Variants in KIRREL3 observed in about 807,000 individuals in gnomAD.
KIRREL3 encodes kirre like nephrin family adhesion molecule 3.
KIRREL3 carries 36 observed loss-of-function variants against 89.7 expected under a neutral mutation model. The observed-to-expected ratio is 0.40, with a 90% CI of 0.31 to 0.53. The LOEUF is 0.53. KIRREL3 is among the 20% of genes least tolerant of loss of function. The pLI is 0.49. For synonymous variants in KIRREL3, 445 were observed against 441.4 expected (o/e 1.01, Z -0.10); for missense variants, 864 against 1,056.6 (o/e 0.82, Z 2.53).
In KIRREL3 at chr11:126,557,598, C is replaced by A. The variant is rs570449161; in HGVS notation, c.133+5237G>T. Among the ~76,000 whole-genome samples, 1 of 152,288 alleles carries A rather than the reference C, an allele frequency of 6.6e-6. No homozygotes were observed. The highest frequency in any genetic ancestry group is 6.5e-5 in the Admixed American group (1 of 15,296). On this transcript the variant is annotated intron_variant, in intron 2 of 16. Transcript: ENST00000525144. The surrounding 1 kb of genome is among the most constrained non-coding windows in gnomAD (Gnocchi z 5.6). ...CACTACACATCCCAGCTGTGGGGCA[C>A]CTCTCTTTCTATACGAGGAAACAGT...
rs1941142801 is a variant in KIRREL3 at position 126,574,402 on chromosome 11, G to A, written c.56-11490C>T. Among the ~76,000 whole-genome samples, 1 of 152,192 alleles carries A rather than the reference G, an allele frequency of 6.6e-6. No individual in the cohort carries two copies. The highest frequency in any genetic ancestry group is 1.5e-5 in the Non-Finnish European group (1 of 68,022). On this transcript the variant is annotated intron_variant, in intron 1 of 16. Transcript: ENST00000525144. This position sits in a 1 kb window ranked among gnomAD's most constrained non-coding sequence, Gnocchi z 5.3. The stretch of plus-strand genomic sequence containing the variant: ...ATGATAACCTTTCAGCAGTGAGTGG[G>A]CAAAGGAGAGCATGATGGCTTTGAG...
At chr11:126,986,278 T>C (rs1288493330) in intron 1 of KIRREL3, among the ~76,000 whole-genome samples, 1 of 151,968 alleles carries the variant, frequency 6.6e-6, no homozygotes, top group Non-Finnish European at 1.5e-5. Flanking sequence ...AATTGAAAAA[T>C]AAAATGACAA....
intron 1 of KIRREL3, among the ~76,000 whole-genome samples, chr11:126,929,958 C>A (rs953412269): frequency 2.6e-5 from 4 of 152,192 alleles, no homozygotes; most frequent in African/African-American, 4.8e-5. Context: ...ACCCCCCCCC[C>A]CCCACCTCAC....
At chr11:126,665,915 T>C (rs1034219691) in intron 1 of KIRREL3, among the ~76,000 whole-genome samples, 14 of 152,246 alleles carry the variant, frequency 9.2e-5, no homozygotes, top group African/African-American at 3.4e-4. Context: ...ACCCATCACC[T>C]TGTGCCATTG....
rs186246224 is a variant in KIRREL3, at chr11:126,635,599, C to A, written c.56-72687G>T. Among the ~76,000 whole-genome samples, 47 of 152,256 alleles carry A rather than the reference C, an allele frequency of 3.1e-4. 1 individual carries two copies. The East Asian group carries it at 9.1e-3, about 29-fold the overall frequency. On this transcript the variant is annotated intron_variant, in intron 1 of 16. Transcript: ENST00000525144. The surrounding 1 kb of genome is among the most constrained non-coding windows in gnomAD (Gnocchi z 4.0). ...ACACCCCCAGCAACGAGCCCCCCTG[C>A]CAGCCCAGAGTAACCAGAGATCTTG... is the stretch of plus-strand genomic sequence containing the variant.
Position 126,696,668 on chromosome 11 carries a change from G to A in KIRREL3, c.56-133756C>T, listed in dbSNP as rs535537899. Among the ~76,000 whole-genome samples, 6 of 152,098 alleles carry A rather than the reference G, an allele frequency of 3.9e-5. No individual in the cohort carries two copies. The highest frequency in any genetic ancestry group is 2.1e-4 in the South Asian group (1 of 4,826). On this transcript the variant is annotated intron_variant, in intron 1 of 16. Transcript: ENST00000525144. The surrounding 1 kb of genome is among the most constrained non-coding windows in gnomAD (Gnocchi z 4.4). ...CCGAAAGGGTGGCTCAAACCACATC[G>A]CATGGCTCATAAGGCCCTTGGCGAG...
rs151055681 is a variant in KIRREL3 at position 126,455,466 on chromosome 11, T to C, written c.848+883A>G. ...CAGTTCCTGCCTTCAAGAAGCTCTG[T>C]CACAAGGCAGAAACAAGTAAAACAA... On this transcript the variant is annotated intron_variant, in intron 7 of 16. Coordinates refer to ENST00000525144, the MANE Select transcript of KIRREL3 (RefSeq NM_032531.4). The surrounding 1 kb of genome is among the most constrained non-coding windows in gnomAD (Gnocchi z 6.4). Among the ~76,000 whole-genome samples, 131 of 152,266 alleles carry C rather than the reference T, an allele frequency of 8.6e-4. No individual in the cohort carries two copies. Among genetic ancestry groups the C allele is most frequent in the African/African-American group, 3.1e-3 (128 of 41,544 alleles).
chr11:126,438,366 G>A (rs150855649), intron 11 of KIRREL3, among the ~76,000 whole-genome samples: 5 of 152,204 alleles, frequency 3.3e-5, no homozygotes, highest in African/African-American at 9.7e-5. Flanking sequence ...ATCCTGGTTC[G>A]GGGCTGATGA....
In KIRREL3 at chr11:126,912,810, C is replaced by T. The variant is rs1217407064; in HGVS notation, c.55+87645G>A. Among the ~76,000 whole-genome samples, 2 of 152,172 alleles carry T rather than the reference C, an allele frequency of 1.3e-5. No homozygotes were observed. Among genetic ancestry groups the T allele is most frequent in the South Asian group, 2.1e-4 (1 of 4,830 alleles). On this transcript the variant is annotated intron_variant, in intron 1 of 16. Transcript: ENST00000525144. The surrounding 1 kb of genome is among the most constrained non-coding windows in gnomAD (Gnocchi z 4.7). ...TGAAGTATAGCGAAGAGGAACTTGG[C>T]GTGATAATGGAACCTAGTGATGAAA...
chr11:126,448,279 C>CAAAAAAAAAAAAAAAAAAAA (rs55787866), intron 8 of KIRREL3, among the ~76,000 whole-genome samples: 5 of 95,370 alleles, frequency 5.2e-5, no homozygotes, highest in Non-Finnish European at 1.0e-4. Context: ...GAGACTGTCT[C>CAAAAAAAAAAAAAAAAAAAA]AAAAAAAAAA....
In KIRREL3 at chr11:126,536,642, C is replaced by CTTT. The variant is rs145142970; in HGVS notation, c.134-9958_134-9956dup. 4.6e-3 allele frequency among the ~76,000 whole-genome samples: 356 copies of CTTT among 77,160 alleles called. 5 individuals carry two copies. Among genetic ancestry groups the CTTT allele is most frequent in the Non-Finnish European group, 5.3e-3 (232 of 44,004 alleles). 50.6% of individuals were successfully genotyped at this position (77,160 alleles called of 152,430 possible). On this transcript the variant is annotated intron_variant, in intron 2 of 16. Transcript: ENST00000525144. ...TATCCCCTCATGGCCCTGGGCAATG[C>CTTT]TTTTTTTTTTTTTTTTTTTTTTTTT...
chr11:126,554,721 C>A (rs551423478), intron 2 of KIRREL3, among the ~76,000 whole-genome samples: 1 of 152,262 alleles, frequency 6.6e-6, no homozygotes, highest in African/African-American at 2.4e-5. Flanking sequence ...AATAACTGGG[C>A]TCCCAGCTAA....
At position 126,917,565 on chromosome 11, in the gene KIRREL3, T is replaced by C. The variant is rs1312427110; in HGVS notation, c.55+82890A>G. On this transcript the variant is annotated intron_variant, in intron 1 of 16. Coordinates refer to ENST00000525144, the MANE Select transcript of KIRREL3 (RefSeq NM_032531.4). The surrounding 1 kb of genome is among the most constrained non-coding windows in gnomAD (Gnocchi z 5.0). ...GTAGCACCTCCACACCTATCCTGCCTCTCTTAGAGCACTGCTCAGTTGTAG... is the reference window on the plus strand; with the variant it reads ...GTAGCACCTCCACACCTATCCTGCCCCTCTTAGAGCACTGCTCAGTTGTAG... Among the ~76,000 whole-genome samples the C allele has an allele frequency of 6.6e-6, 1 of 152,156 alleles. No individual in the cohort carries two copies. The highest frequency in any genetic ancestry group is 6.5e-5 in the Admixed American group (1 of 15,282).
chr11:126,878,291 G>A (rs1945365478), intron 1 of KIRREL3, among the ~76,000 whole-genome samples: 1 of 152,154 alleles, frequency 6.6e-6, no homozygotes. Flanking sequence ...ATAGTGTGTA[G>A]TGAGAACAGT....
chr11:126,539,814 C>T (rs1938210853), intron 2 of KIRREL3, among the ~76,000 whole-genome samples: 1 of 152,158 alleles, frequency 6.6e-6, no homozygotes, highest in Non-Finnish European at 1.5e-5. Flanking sequence ...CTGAGCACTA[C>T]CTATGGGTCA....
At chr11:126,539,145 T>C (rs1190322744) in intron 2 of KIRREL3, among the ~76,000 whole-genome samples, 3 of 152,202 alleles carry the variant, frequency 2.0e-5, no homozygotes, top group Non-Finnish European at 4.4e-5. Flanking sequence ...CCCATTGGTT[T>C]AGCAATCAAT....
rs751029123 is a variant in KIRREL3 at position 126,734,634 on chromosome 11, T to C, written c.56-171722A>G. 1.3e-5 allele frequency among the ~76,000 whole-genome samples: 2 copies of C among 151,592 alleles called. No individual in the cohort carries two copies. The highest frequency in any genetic ancestry group is 2.9e-5 in the Non-Finnish European group (2 of 67,938). ...GCCGAGATGTCATTGCACTCCAGCC[T>C]GGGCAACAAGAGTGAAACTCTGTCT... On this transcript the variant is annotated intron_variant, in intron 1 of 16. Transcript: ENST00000525144. The surrounding 1 kb of genome is among the most constrained non-coding windows in gnomAD (Gnocchi z 5.9).
rs545983810 is a variant in KIRREL3, at chr11:126,481,519, G to C, written c.434-8053C>G. Among the ~76,000 whole-genome samples, 23 of 152,278 alleles carry C rather than the reference G, an allele frequency of 1.5e-4. No individual in the cohort carries two copies. In the East Asian group the frequency reaches 4.4e-3, roughly 29 times the overall value. Reference sequence around the variant, plus strand: ...GACACCACACCCACCGCCTCTCCCAGACACCCATCCATCCCCATATTCTGT... The same window carrying C: ...GACACCACACCCACCGCCTCTCCCACACACCCATCCATCCCCATATTCTGT... On this transcript the variant is annotated intron_variant, in intron 4 of 16. Coordinates refer to ENST00000525144, the MANE Select transcript of KIRREL3 (RefSeq NM_032531.4).
At chr11:126,804,761 AC>A (rs1951151640) in intron 1 of KIRREL3, among the ~76,000 whole-genome samples, 2 of 152,180 alleles carry the variant, frequency 1.3e-5, no homozygotes, top group South Asian at 4.1e-4. Context: ...ATAGATCACA[AC>A]CTTTTTTCCA....
Sources: allele counts gnomAD v4.1 joint callset (sites outside exome capture counted in the v4.1 genomes callset), GRCh38; gene constraint gnomAD v4.1.1; non-coding constraint Gnocchi (gnomAD v3.1); transcripts MANE v1.5; gene names NCBI Gene and HGNC (gene_info 2026-07-23, HGNC 2026-07-21).